The following RP1 variants were observed in gnomAD, a reference collection of about 807,000 sequenced individuals.
RP1 encodes the protein oxygen-regulated protein 1.
RP1 carries 16 observed loss-of-function variants against 14.8 expected under a neutral mutation model. The ratio of observed to expected loss-of-function variants is 1.08; its 90% CI spans 0.73 to 1.65. The LOEUF (loss-of-function observed/expected upper bound fraction) is 1.65, where lower values mean the gene tolerates loss of function less well. Ranked by LOEUF, RP1 falls within the 40% of genes most tolerant of loss-of-function variation. The pLI, the probability that RP1 is intolerant of heterozygous loss-of-function variation, is 0.00. For missense variants in RP1, 2,631 were observed against 2,535.0 expected (o/e 1.04, Z -0.81); for synonymous variants, 876 against 883.6 (o/e 0.99, Z 0.15).
At chr8:54,858,611 T>G (rs1812262078) in intron 27 of RP1, among the ~76,000 whole-genome samples, 1 of 151,760 alleles carries the variant, frequency 6.6e-6, no homozygotes, top group South Asian at 2.1e-4. Context: ...TGCAGAGTGC[T>G]GTGACTGTAG....
Position 54,625,262 on chromosome 8 carries a change from G to C in RP1, c.1380G>C (p.Lys460Asn), listed in dbSNP as rs143494598. ...PTPGLRRVRQKKSVIGSVTLV... is the reference protein window; with the variant it reads ...PTPGLRRVRQNKSVIGSVTLV... ...CTGGACTAAGAAGAGTGAGACAAAA[G>C]AAATCTGTGATTGGCAGTGTGACCT... The change falls in exon 4 of 4, where the codon AAG becomes AAC. Residue 460 changes from lysine to asparagine, a missense_variant. Transcript: ENST00000220676. 3.7e-5 allele frequency: 60 copies of C among 1,614,142 alleles called. No homozygotes were observed. In the Middle Eastern group the frequency reaches 1.6e-3, roughly 44 times the overall value.
intron 24 of RP1, among the ~76,000 whole-genome samples, chr8:54,801,457 T>C (rs976141578): frequency 6.6e-6 from 1 of 152,190 alleles, no homozygotes; most frequent in Non-Finnish European, 1.5e-5. Flanking sequence ...TGGTGCCCTT[T>C]CTTAGTTGCA....
chr8:54,647,914 C>T (rs1806581013), intron 3 of RP1, among the ~76,000 whole-genome samples: 12 of 152,046 alleles, frequency 7.9e-5, no homozygotes, highest in Admixed American at 7.9e-4. Flanking sequence ...TGTCCTTACC[C>T]AAATCTCATC....
At chr8:54,803,244 G>T (rs915860660) in intron 24 of RP1, among the ~76,000 whole-genome samples, 2 of 152,066 alleles carry the variant, frequency 1.3e-5, no homozygotes, top group African/African-American at 4.8e-5. Flanking sequence ...AAATGGACTG[G>T]GACTCTATAT....
chr8:54,867,961 T>G (rs774393259), intron 28 of RP1, among the ~76,000 whole-genome samples: 27 of 152,208 alleles, frequency 1.8e-4, no homozygotes, highest in Non-Finnish European at 3.5e-4. Flanking sequence ...AACATTTGGT[T>G]TTATATCACA....
Position 54,629,097 on chromosome 8 carries a change from G to A in RP1, c.5215G>A (p.Val1739Ile), listed in dbSNP as rs150410005. ...AATCCTCACAGACATAGAGGAAGGAGTACTGATTGACAAAGGCAAATGGCT... is the reference window on the plus strand; with the variant it reads ...AATCCTCACAGACATAGAGGAAGGAATACTGATTGACAAAGGCAAATGGCT... ...SRILTDIEEG[V>I]LIDKGKWLLK... The change falls in exon 4 of 4, where the codon GTA (valine) becomes ATA (isoleucine). Residue 1739 changes from valine to isoleucine, a missense_variant. Physicochemically the swap from Val to Ile is conservative, Grantham distance 29. Coordinates refer to ENST00000220676, the MANE Select transcript of RP1 (RefSeq NM_006269.2). 6.2e-7 allele frequency: 1 copy of A among 1,614,112 alleles called. No individual in the cohort carries two copies. Among genetic ancestry groups the A allele is most frequent in the African/African-American group, 1.3e-5 (1 of 75,056 alleles).
chr8:54,858,328 T>A (rs1450893560), intron 27 of RP1, among the ~76,000 whole-genome samples: 1 of 152,126 alleles, frequency 6.6e-6, no homozygotes, highest in Admixed American at 6.5e-5. Flanking sequence ...GAGGAAGGAA[T>A]GACATAATAT....
intron 19 of RP1, among the ~76,000 whole-genome samples, chr8:54,752,063 C>A (rs1252569533): frequency 2.0e-5 from 3 of 152,144 alleles, no homozygotes; most frequent in Admixed American, 2.0e-4. Context: ...GGTAGTATGA[C>A]CTTGTAATCG....
intron 25 of RP1, among the ~76,000 whole-genome samples, chr8:54,839,960 T>C (rs1180612713): frequency 6.6e-6 from 1 of 152,200 alleles, no homozygotes; most frequent in African/African-American, 2.4e-5. Flanking sequence ...TGGTTCTTTG[T>C]AGCTGTTCTG....
At chr8:54,637,022 G>T (rs1226281783) in intron 3 of RP1, among the ~76,000 whole-genome samples, 1 of 152,102 alleles carries the variant, frequency 6.6e-6, no homozygotes, top group East Asian at 1.9e-4. Context: ...TGCACAATGG[G>T]CTCTGTCCTG....
At chr8:54,750,786 A>G (rs1809345881) in intron 19 of RP1, among the ~76,000 whole-genome samples, 1 of 152,104 alleles carries the variant, frequency 6.6e-6, no homozygotes, top group Non-Finnish European at 1.5e-5. Context: ...GCCCTGCACA[A>G]CTCACCAATC....
At chr8:54,856,329 C>T (rs1812198917) in intron 26 of RP1, among the ~76,000 whole-genome samples, 1 of 152,100 alleles carries the variant, frequency 6.6e-6, no homozygotes, top group African/African-American at 2.4e-5. Flanking sequence ...GTCTTAGGTG[C>T]TGATAAGGCT....
intron 25 of RP1, among the ~76,000 whole-genome samples, chr8:54,849,984 C>T (rs1484281099): frequency 1.3e-5 from 2 of 152,126 alleles, no homozygotes; most frequent in African/African-American, 2.4e-5. Flanking sequence ...GGAGGAAAAA[C>T]ATTTTATGCT....
At chr8:54,677,298 TGATGCA>T (rs1247675954) in intron 8 of RP1, among the ~76,000 whole-genome samples, 8 of 152,168 alleles carry the variant, frequency 5.3e-5, no homozygotes, top group Admixed American at 4.6e-4. Flanking sequence ...TCCCTCCTGG[TGATGCA>T]GATGCATGCT....
chr8:54,720,066 G>T, intron 15 of RP1: 1 of 1,247,490 alleles, frequency 8.0e-7, no homozygotes, highest in South Asian at 1.6e-5. Flanking sequence ...TAAAACGACT[G>T]GTTTTAAATT....
At chr8:54,828,212 A>G (rs949603790) in intron 24 of RP1, among the ~76,000 whole-genome samples, 1 of 152,248 alleles carries the variant, frequency 6.6e-6, no homozygotes, top group Non-Finnish European at 1.5e-5. Flanking sequence ...TAGTAAATAT[A>G]TAAACCAGTA....
intron 1 of RP1, among the ~76,000 whole-genome samples, chr8:54,609,735 G>A (rs1805546888): frequency 6.6e-6 from 1 of 152,146 alleles, no homozygotes; most frequent in Non-Finnish European, 1.5e-5. Flanking sequence ...GCAGTCAGAA[G>A]GGAAGGTCAC....
At chr8:54,786,839 T>A (rs977393346) in intron 24 of RP1, among the ~76,000 whole-genome samples, 11 of 152,152 alleles carry the variant, frequency 7.2e-5, no homozygotes, top group African/African-American at 2.4e-4. Flanking sequence ...AAATAAGAAC[T>A]GGCCCAATAT....
chr8:54,825,012 CTAGA>C (rs1173723753), intron 24 of RP1, among the ~76,000 whole-genome samples: 2 of 151,316 alleles, frequency 1.3e-5, no homozygotes, highest in African/African-American at 2.4e-5. Flanking sequence ...GTCGCCCAGG[CTAGA>C]TAGAGTGCAG....
Sources: gnomAD v4.1 joint callset for allele counts (sites outside exome capture counted in the v4.1 genomes callset) on GRCh38, gnomAD v4.1.1 for gene constraint, MANE v1.5 for transcripts, NCBI Gene and HGNC (gene_info 2026-07-23, HGNC 2026-07-21) for gene names.